THADA: variants seen among roughly 807,000 people sequenced by gnomAD.
THADA encodes the protein THADA armadillo repeat containing, also known as tRNA (32-2'-O)-methyltransferase regulator THADA.
In THADA, 213 loss-of-function variants were observed where a neutral mutation model predicts 219.8. That is an observed-to-expected ratio of 0.97 (90% CI 0.87 to 1.09). The LOEUF is 1.09. Ranked by LOEUF, THADA falls within the 50% of genes least tolerant of loss-of-function variation. The pLI, the probability that THADA is intolerant of heterozygous loss-of-function variation, is 0.00. For missense variants in THADA, 2,956 were observed against 2,311.3 expected (o/e 1.28, Z -5.72); for synonymous variants, 1,018 against 828.9 (o/e 1.23, Z -3.92).
At chr2:43,311,731 A>T (rs1677533690) in intron 31 of THADA, among the ~76,000 whole-genome samples, 1 of 152,280 alleles carries the variant, frequency 6.6e-6, no homozygotes, top group Admixed American at 6.5e-5. Flanking sequence ...AAACATGTTA[A>T]GTGAAAGAAT....
In THADA at chr2:43,344,244, C is replaced by CA. The variant is rs773001861; in HGVS notation, c.4228-8dup. 1.3e-6 allele frequency: 2 copies of CA among 1,561,980 alleles called. No individual in the cohort carries two copies. The highest frequency in any genetic ancestry group is 2.0e-5 in the Admixed American group (1 of 50,530). On this transcript the variant is annotated splice_region_variant and splice_polypyrimidine_tract_variant and intron_variant, in intron 29 of 37. Transcript: ENST00000405975. ...CTTGCAACAAATGAAAAACCTAAAC[C>CA]AAAAAAGAAAAAAAAATCCTGCTGT...
intron 21 of THADA, 73 bp downstream of exon 21, chr2:43,541,086 T>C (rs1695234315): frequency 1.4e-6 from 2 of 1,383,266 alleles, no homozygotes; most frequent in Admixed American, 3.1e-5. Flanking sequence ...TTTTTTAGAG[T>C]TGGGTTATAA....
In THADA at chr2:43,297,094, G is replaced by A. The variant is rs954907610; in HGVS notation, c.4439-3881C>T. Among the ~76,000 whole-genome samples the A allele has an allele frequency of 4.0e-5, 4 of 99,876 alleles. No individual in the cohort carries two copies. In the South Asian group the frequency reaches 1.2e-3, roughly 31 times the overall value. 65.5% of individuals were successfully genotyped at this position (99,876 alleles called of 152,430 possible). ...GCCGCCATCCCATCTAGGAAGTGAG[G>A]AGCGCCTCTTCCCAGCCGCCATCAC... On this transcript the variant is annotated intron_variant, in intron 31 of 37. Coordinates refer to ENST00000405975, the MANE Select transcript of THADA (RefSeq NM_022065.5).
At chr2:43,523,669 A>G (rs1692783355) in intron 22 of THADA, among the ~76,000 whole-genome samples, 2 of 152,220 alleles carry the variant, frequency 1.3e-5, no homozygotes, top group African/African-American at 4.8e-5. Flanking sequence ...GTTGATGTCT[A>G]TGAGTCAGTA....
intron 10 of THADA, among the ~76,000 whole-genome samples, chr2:43,575,970 T>C (rs1266764040): frequency 1.3e-5 from 2 of 152,242 alleles, no homozygotes; most frequent in Non-Finnish European, 2.9e-5. Context: ...TCAGAAATGT[T>C]GATAAGGATC....
At chr2:43,232,401 A>C (rs942952202) in intron 37 of THADA, among the ~76,000 whole-genome samples, 1 of 151,944 alleles carries the variant, frequency 6.6e-6, no homozygotes, top group Non-Finnish European at 1.5e-5. Context: ...GATGGTCTCG[A>C]TCTCCTGACC....
At chr2:43,549,168 T>C in intron 20 of THADA, 42 bp downstream of exon 20, 1 of 1,459,034 alleles carries the variant, frequency 6.9e-7, no homozygotes, top group Non-Finnish European at 9.1e-7. Context: ...ATTTTACTGG[T>C]TACTTAAACA....
intron 13 of THADA, among the ~76,000 whole-genome samples, chr2:43,570,727 G>A (rs1289916441): frequency 6.6e-6 from 1 of 152,152 alleles, no homozygotes; most frequent in East Asian, 1.9e-4. Context: ...CCACAATTCT[G>A]TTTCCTTTAA....
Position 43,230,868 on chromosome 2 carries a change from A to ATT in THADA, c.*78_*79dup, listed in dbSNP as rs1485434501. 10 of 1,482,764 alleles carry ATT rather than the reference A, an allele frequency of 6.7e-6. No homozygotes were observed. The highest frequency in any genetic ancestry group is 9.0e-6 in the Non-Finnish European group (10 of 1,110,208). 91.9% of individuals were successfully genotyped at this position (1,482,764 alleles called of 1,614,324 possible). On this transcript the variant is annotated 3_prime_UTR_variant, in exon 38 of 38. Transcript: ENST00000405975. ...GGCATGAATGGGATAAAATTTTTGA[A>ATT]TTTATGTTCAACATGTTTCCTGCAG...
intron 36 of THADA, among the ~76,000 whole-genome samples, chr2:43,245,175 T>C (rs374532811): frequency 1.3e-4 from 15 of 118,238 alleles, no homozygotes; most frequent in East Asian, 4.1e-4. Context: ...TCTTCTTCTT[T>C]TTTTTTTTTT....
intron 7 of THADA, among the ~76,000 whole-genome samples, chr2:43,582,631 G>A (rs1347131505): frequency 4.2e-5 from 6 of 142,008 alleles, no homozygotes; most frequent in East Asian, 2.2e-4. Flanking sequence ...GTGCAGTGGT[G>A]CAATCTGGGC....
chr2:43,578,583 C>G lies in THADA; in HGVS notation c.746G>C (p.Ser249Thr). ...AAGAATAATAGCTAATCCAGATGTG[C>G]TCTGTACAGTCTGTAACAGATCATC... ...SDDDLLQTVQ[S>T]TSGLAIILFI... is the part of the protein sequence containing the mutation. Residue 249 changes from serine (S) to threonine (T), a missense_variant, in exon 9 of 38, where the codon AGC (serine) becomes ACC (threonine). By Grantham distance (58) the Ser-to-Thr change is moderately conservative. Transcript: ENST00000405975. The G allele has an allele frequency of 1.2e-6, 2 of 1,612,022 alleles. No individual in the cohort carries two copies. Among genetic ancestry groups the G allele is most frequent in the Non-Finnish European group, 1.7e-6 (2 of 1,178,570 alleles).
At chr2:43,408,103 T>C (rs559384217) in intron 28 of THADA, among the ~76,000 whole-genome samples, 1 of 152,338 alleles carries the variant, frequency 6.6e-6, no homozygotes, top group East Asian at 1.9e-4. Context: ...CAATATTATC[T>C]TTAAGGAAGG....
intron 31 of THADA, among the ~76,000 whole-genome samples, chr2:43,304,037 A>G (rs569612634): frequency 6.6e-6 from 1 of 152,278 alleles, no homozygotes; most frequent in African/African-American, 2.4e-5. Context: ...GCCATGCTGA[A>G]TGTGTGTAAT....
chr2:43,466,522 C>T (rs998035300), intron 26 of THADA, among the ~76,000 whole-genome samples: 3 of 152,126 alleles, frequency 2.0e-5, no homozygotes, highest in African/African-American at 7.2e-5. Flanking sequence ...TGGGGTATGT[C>T]TACTCTACTT....
intron 30 of THADA, among the ~76,000 whole-genome samples, chr2:43,321,655 A>C (rs1315985471): frequency 6.6e-6 from 1 of 152,196 alleles, no homozygotes. Context: ...ACCAGATGCC[A>C]GTGCCATCTG....
chr2:43,337,106 A>G (rs1037288412), intron 30 of THADA, among the ~76,000 whole-genome samples: 3 of 152,352 alleles, frequency 2.0e-5, no homozygotes, highest in African/African-American at 4.8e-5. Context: ...AAACACAACT[A>G]TGGCCAATCT....
intron 25 of THADA, among the ~76,000 whole-genome samples, chr2:43,498,511 T>C (rs773188171): frequency 6.6e-6 from 1 of 152,266 alleles, no homozygotes; most frequent in African/African-American, 2.4e-5. Context: ...AGAAGTGCAC[T>C]ATTATTAAGT....
intron 31 of THADA, among the ~76,000 whole-genome samples, chr2:43,313,684 G>C (rs1677760771): frequency 6.6e-6 from 1 of 152,322 alleles, no homozygotes; most frequent in East Asian, 1.9e-4. Flanking sequence ...AAGCAAGAAA[G>C]GCCCCATAAA....
Sources: allele counts gnomAD v4.1 joint callset (sites outside exome capture counted in the v4.1 genomes callset), GRCh38; gene constraint gnomAD v4.1.1; transcripts MANE v1.5; gene names NCBI Gene and HGNC (gene_info 2026-07-23, HGNC 2026-07-21).